AGXT2: variants seen among roughly 807,000 people sequenced by gnomAD.
AGXT2 encodes the protein alanine--glyoxylate aminotransferase 2.
In AGXT2, 61 loss-of-function variants were observed where a neutral mutation model predicts 62.5. The ratio of observed to expected loss-of-function variants is 0.98; its 90% CI spans 0.79 to 1.21. The LOEUF is 1.21. Among genes scored for constraint, AGXT2 ranks in the 50% most tolerant of loss-of-function variants. The pLI, the probability that AGXT2 is intolerant of heterozygous loss-of-function variation, is 0.00. For missense variants in AGXT2, 666 were observed against 641.5 expected (o/e 1.04, Z -0.41); for synonymous variants, 243 against 218.7 (o/e 1.11, Z -0.98).
At position 35,035,266 on chromosome 5, in the gene AGXT2, C is replaced by G. The variant is rs749677160; in HGVS notation, c.537G>C (p.Leu179=). ...TGTTGTTTGAGTGCGCCCTGGCCAT[C>G]AGCATGGCCAGCTCATTGGCTTCTG... The part of the protein sequence containing the change: ...SGSEANELAM[L]MARAHSNNID... The change falls in exon 5 of 14, where the codon CTG becomes CTC. Residue 179 remains leucine (L), a synonymous_variant. Transcript: ENST00000231420. The G allele has an allele frequency of 5.0e-6, 8 of 1,613,996 alleles. No homozygotes were observed. The highest frequency in any genetic ancestry group is 2.7e-5 in the African/African-American group (2 of 74,906).
intron 12 of AGXT2, among the ~76,000 whole-genome samples, chr5:35,008,299 T>C (rs181892521): frequency 2.2e-4 from 33 of 152,292 alleles, no homozygotes; most frequent in Admixed American, 1.9e-3. Flanking sequence ...GGGAGGGGGA[T>C]TCTGGTGTTT....
At chr5:35,037,173 A>G in intron 3 of AGXT2, 108 bp from the exon 4 acceptor site, 1 of 1,525,654 alleles carries the variant, frequency 6.6e-7, no homozygotes, top group South Asian at 1.2e-5. Flanking sequence ...GAGTTTCAAG[A>G]GGCAGATTTT....
chr5:35,025,963 C>A lies in AGXT2; in HGVS notation c.871-108G>T, dbSNP rs1767327562. 3.4e-6 allele frequency: 3 copies of A among 894,058 alleles called. 1 individual carries two copies. In the South Asian group the frequency reaches 4.2e-5, roughly 13 times the overall value. 55.4% of individuals were successfully genotyped at this position (894,058 alleles called of 1,614,324 possible). A position where few individuals can be genotyped will look rare whatever the true frequency, so the allele number is the denominator to read the frequency against. Reference sequence around the variant, plus strand: ...ATCATTATCATGACAGTAACACTAGCAATTTTAACAACAGTCTGTAGAACA... The same window carrying A: ...ATCATTATCATGACAGTAACACTAGAAATTTTAACAACAGTCTGTAGAACA... On this transcript the variant is annotated intron_variant, in intron 8 of 13. Transcript: ENST00000231420.
At chr5:35,014,987 T>A (rs1358159252) in intron 9 of AGXT2, among the ~76,000 whole-genome samples, 2 of 152,208 alleles carry the variant, frequency 1.3e-5, no homozygotes, top group African/African-American at 4.8e-5. Flanking sequence ...AGGGTTGAAC[T>A]CCTCTAATTT....
chr5:35,004,162 C>T (rs540040795), intron 12 of AGXT2, among the ~76,000 whole-genome samples: 1 of 152,266 alleles, frequency 6.6e-6, no homozygotes, highest in South Asian at 2.1e-4. Flanking sequence ...CTAATGGCTG[C>T]CTTGGGAGTC....
intron 9 of AGXT2, among the ~76,000 whole-genome samples, chr5:35,021,896 A>G (rs1767108551): frequency 1.3e-5 from 2 of 152,258 alleles, no homozygotes. Flanking sequence ...AAACTACCCC[A>G]TCAACAATTG....
chr5:35,027,886 C>T (rs1163736436), intron 7 of AGXT2, among the ~76,000 whole-genome samples: 1 of 150,374 alleles, frequency 6.7e-6, no homozygotes, highest in East Asian at 2.0e-4. Flanking sequence ...TCCTCCCAGT[C>T]CCTCCACTTC....
intron 6 of AGXT2, 40 bp downstream of exon 6, chr5:35,033,420 G>T (rs761224397): frequency 2.8e-6 from 4 of 1,447,504 alleles, no homozygotes; most frequent in Non-Finnish European, 3.9e-6. Flanking sequence ...CACATACCCA[G>T]CAGTCTTTAA....
At chr5:35,041,523 C>T (rs1485463674) in intron 1 of AGXT2, among the ~76,000 whole-genome samples, 1 of 152,094 alleles carries the variant, frequency 6.6e-6, no homozygotes, top group Non-Finnish European at 1.5e-5. Flanking sequence ...ACTTTGGCCC[C>T]CCTGCAGCAG....
intron 9 of AGXT2, among the ~76,000 whole-genome samples, chr5:35,019,220 G>A (rs1252053584): frequency 1.3e-4 from 17 of 132,874 alleles, no homozygotes; most frequent in Non-Finnish European, 1.4e-4. Flanking sequence ...TGCACCAAGC[G>A]GACCTAATAG....
chr5:35,004,150 T>C (rs1766337960), intron 12 of AGXT2, among the ~76,000 whole-genome samples: 3 of 152,242 alleles, frequency 2.0e-5, no homozygotes, highest in Non-Finnish European at 4.4e-5. Context: ...ATCTTAGCTT[T>C]GCTAATGGCT....
intron 11 of AGXT2, 80 bp downstream of exon 11, chr5:35,012,874 T>C (rs1476390022): frequency 1.6e-6 from 2 of 1,231,698 alleles, no homozygotes; most frequent in Non-Finnish European, 1.2e-6. Flanking sequence ...CTCAGCATGA[T>C]AGAGTTCTGC....
intron 13 of AGXT2, among the ~76,000 whole-genome samples, chr5:35,003,475 T>G (rs1400985456): frequency 6.6e-6 from 1 of 152,212 alleles, no homozygotes; most frequent in East Asian, 1.9e-4. Context: ...TTGTCCGCTT[T>G]GACCATCCTC....
chr5:35,003,564 T>G (rs1317838413), intron 13 of AGXT2, among the ~76,000 whole-genome samples, 199 bp downstream of exon 13: 2 of 148,984 alleles, frequency 1.3e-5, no homozygotes, highest in African/African-American at 2.5e-5. Context: ...GCCTGAGAGC[T>G]GCACTGTCTC....
In AGXT2 at chr5:34,998,837, A is replaced by G; in HGVS notation, c.1438-11T>C. 6.3e-7 allele frequency: 1 copy of G among 1,578,102 alleles called. No individual in the cohort carries two copies. On this transcript the variant is annotated splice_polypyrimidine_tract_variant and intron_variant, in intron 13 of 13. Transcript: ENST00000231420. ...CGCAATGCGAAATGTCTGAGGAGAC[A>G]CCAAAAAATAAGAAAACAAATCATC...
At chr5:35,047,516 T>C (rs1768285537) in intron 1 of AGXT2, among the ~76,000 whole-genome samples, 1 of 152,202 alleles carries the variant, frequency 6.6e-6, no homozygotes, top group South Asian at 2.1e-4. Flanking sequence ...TGCTTTCCTT[T>C]GGTTTTTAAA....
chr5:35,028,185 G>A (rs1187083547), intron 7 of AGXT2, among the ~76,000 whole-genome samples: 4 of 151,976 alleles, frequency 2.6e-5, no homozygotes, highest in South Asian at 4.2e-4. Context: ...ATCTATTTGC[G>A]TTTCTGAGAA....
In AGXT2 at chr5:35,035,181, A is replaced by G. The variant is rs774377787; in HGVS notation, c.581+41T>C. On this transcript the variant is annotated intron_variant, in intron 5 of 13. Coordinates refer to ENST00000231420, the MANE Select transcript of AGXT2 (RefSeq NM_031900.4). ...AAGCTACACATTTAGAATGGGGGTA[A>G]GTCAGTGTTCCTAAAGTTGAATATT... The G allele has an allele frequency of 2.7e-6, 4 of 1,494,168 alleles. No homozygotes were observed. In the South Asian group the frequency reaches 4.5e-5, roughly 17 times the overall value. 92.6% of individuals were successfully genotyped at this position (1,494,168 alleles called of 1,614,324 possible).
Position 35,036,932 on chromosome 5 carries a change from A to AGCATTGTAC in AGXT2, c.486+1_486+9dup. ...CATAACATTCACCTCCTGCAGGAAG[A>AGCATTGTAC]GCATTGTACCTTAAGAGGCTCAGGA... On this transcript the variant is annotated intron_variant, in intron 4 of 13. Transcript: ENST00000231420. The AGCATTGTAC allele has an allele frequency of 6.2e-7, 1 of 1,613,748 alleles. No individual in the cohort carries two copies. Among genetic ancestry groups the AGCATTGTAC allele is most frequent in the South Asian group, 1.1e-5 (1 of 91,070 alleles).
Sources: allele counts gnomAD v4.1 joint callset (sites outside exome capture counted in the v4.1 genomes callset), GRCh38; gene constraint gnomAD v4.1.1; transcripts MANE v1.5; gene names NCBI Gene and HGNC (gene_info 2026-07-23, HGNC 2026-07-21).